Variants in PNPLA7 observed in about 807,000 individuals in gnomAD.
The protein encoded by PNPLA7 is patatin like domain 7, lysophospholipase, also known as patatin-like phospholipase domain-containing protein 7.
PNPLA7 carries 153 observed loss-of-function variants against 161.7 expected under a neutral mutation model. The ratio of observed to expected loss-of-function variants is 0.95; its 90% CI spans 0.83 to 1.08. The LOEUF (loss-of-function observed/expected upper bound fraction) is 1.08. PNPLA7 is among the 50% of genes least tolerant of loss of function. The pLI, the probability that PNPLA7 is intolerant of heterozygous loss-of-function variation, is 0.00. For missense variants in PNPLA7, 1,739 were observed against 1,856.6 expected (o/e 0.94, Z 1.16); for synonymous variants, 809 against 782.1 (o/e 1.03, Z -0.57).
chr9:137,541,148 A>C lies in PNPLA7; in HGVS notation c.667-426T>G, dbSNP rs1488046344. On this transcript the variant is annotated intron_variant, in intron 7 of 34. Transcript: ENST00000406427. This position sits in a 1 kb window ranked among gnomAD's most constrained non-coding sequence, Gnocchi z 4.4. ...GCTATTTTGGTGATTTAACAAAGTA[A>C]GCACTTCATCTCAGCTTGACCCAGG... 6.6e-6 allele frequency among the ~76,000 whole-genome samples: 1 copy of C among 152,234 alleles called. No individual in the cohort carries two copies. Among genetic ancestry groups the C allele is most frequent in the African/African-American group, 2.4e-5 (1 of 41,470 alleles).
chr9:137,514,343 G>A (rs555227915), intron 12 of PNPLA7, among the ~76,000 whole-genome samples: 5 of 145,024 alleles, frequency 3.4e-5, no homozygotes, highest in Admixed American at 1.3e-4. Context: ...CCCCGTGGCC[G>A]GGCTGCGGGC....
At chr9:137,481,199 G>A (rs1001726471) in intron 21 of PNPLA7, among the ~76,000 whole-genome samples, 176 bp from the exon 22 acceptor site, 12 of 152,182 alleles carry the variant, frequency 7.9e-5, no homozygotes, top group African/African-American at 2.7e-4. Context: ...TGCTCCCCTT[G>A]AGCACAACTG....
rs553032418 is a variant in PNPLA7, at chr9:137,504,039, G to T, written c.1473+1575C>A. Among the ~76,000 whole-genome samples the T allele has an allele frequency of 2.9e-5, 4 of 138,140 alleles. No homozygotes were observed. The South Asian group carries it at 7.4e-4, about 26-fold the overall frequency. The allele number at this position is 138,140 out of a possible 152,430, so 90.6% of individuals were successfully genotyped here. A position where few individuals can be genotyped will look rare whatever the true frequency, so the allele number is the denominator to read the frequency against. On this transcript the variant is annotated intron_variant, in intron 14 of 34. Coordinates refer to ENST00000406427, the MANE Select transcript of PNPLA7 (RefSeq NM_001098537.3). ...AAGAAGAAGAAGGAGGAGGAAGGAA[G>T]AAGAAAGAAGAAGGAAGAAGAAGAA...
intron 8 of PNPLA7, among the ~76,000 whole-genome samples, chr9:137,531,994 G>A (rs555517953): frequency 3.9e-5 from 6 of 152,162 alleles, no homozygotes; most frequent in Non-Finnish European, 7.3e-5. Context: ...CTAGAACTAC[G>A]AGGCTCAGCA....
rs555616038 is a variant in PNPLA7 at position 137,518,131 on chromosome 9, C to T, written c.1084+1786G>A. On this transcript the variant is annotated intron_variant, in intron 11 of 34. Transcript: ENST00000406427. ...CTCCATCCCTCACTCACTCACTCCA[C>T]TCTGTCCACTCCATCCCCCACTCAC... Among the ~76,000 whole-genome samples, 375 of 115,006 alleles carry T rather than the reference C, an allele frequency of 3.3e-3. 9 individuals carry two copies. The highest frequency in any genetic ancestry group is 0.013 in the African/African-American group (345 of 27,314). 75.4% of individuals were successfully genotyped at this position (115,006 alleles called of 152,430 possible).
Position 137,460,018 on chromosome 9 carries a change from C to T in PNPLA7, c.*375G>A. On this transcript the variant is annotated 3_prime_UTR_variant, in exon 35 of 35. Transcript: ENST00000406427. The stretch of plus-strand genomic sequence containing the variant: ...ATCAGGGCTCCCACACCTCACAGGG[C>T]AGCAGGCAGTTCACAGGACAGCAGG... 4.4e-6 allele frequency: 1 copy of T among 229,240 alleles called. No homozygotes were observed. Among genetic ancestry groups the T allele is most frequent in the South Asian group, 5.1e-5 (1 of 19,518 alleles). 14.2% of individuals were successfully genotyped at this position (229,240 alleles called of 1,614,324 possible).
chr9:137,478,425 C>T lies in PNPLA7; in HGVS notation c.2764-273G>A, dbSNP rs953031639. 18 of 316,132 alleles carry T rather than the reference C, an allele frequency of 5.7e-5. No homozygotes were observed. In the East Asian group the frequency reaches 5.8e-4, roughly 10 times the overall value. 19.6% of individuals were successfully genotyped at this position (316,132 alleles called of 1,614,324 possible). ...CGGGTGGGGGGCCAGAGAGTGGGCC[C>T]GGGTGGGGGGCCAGAAGGCATCCTC... On this transcript the variant is annotated intron_variant, in intron 24 of 34. Transcript: ENST00000406427.
intron 23 of PNPLA7, chr9:137,479,762 C>T: frequency 1.0e-6 from 1 of 985,266 alleles, no homozygotes; most frequent in East Asian, 1.1e-4. Flanking sequence ...CAGCAATGGC[C>T]AGGTGGAAGG....
chr9:137,504,212 A>AC (rs1833791220), intron 14 of PNPLA7, among the ~76,000 whole-genome samples: 1 of 145,660 alleles, frequency 6.9e-6, no homozygotes, highest in South Asian at 2.2e-4. Flanking sequence ...AAGAAGAGAG[A>AC]TTTTTTTTTT....
rs773536750 is a variant in PNPLA7, at chr9:137,467,343, G to A, written c.3013C>T (p.Arg1005Trp). ...YSEERNYSQM[R>W]IRAKQWAEGM... ...TCGGCCCACTGCTTGGCCCGGATCC[G>A]CATCTGGCTGTAGTTCCGCTCCTCA... is the stretch of plus-strand genomic sequence containing the variant. The change falls in exon 26 of 35, where the codon CGG (arginine) becomes TGG (tryptophan). Residue 1005 changes from arginine (R) to tryptophan (W), a missense_variant. Physicochemically the swap from Arg to Trp is moderately radical, Grantham distance 101. Around this residue, in one of 6 missense-constraint regions of PNPLA7, gnomAD observed 703 missense variants for 694.6 expected, o/e 1.01. Coordinates refer to ENST00000406427, the MANE Select transcript of PNPLA7 (RefSeq NM_001098537.3). This position sits in a 1 kb window ranked among gnomAD's most constrained non-coding sequence, Gnocchi z 5.1. The A allele has an allele frequency of 1.5e-5, 24 of 1,613,376 alleles. No homozygotes were observed. The highest frequency in any genetic ancestry group is 1.2e-4 in the African/African-American group (9 of 74,912).
chr9:137,480,388 C>G lies in PNPLA7; in HGVS notation c.2504G>C (p.Trp835Ser), dbSNP rs748460505. The G allele has an allele frequency of 3.7e-6, 6 of 1,613,640 alleles. No individual in the cohort carries two copies. In the East Asian group the frequency reaches 1.1e-4, roughly 30 times the overall value. ...LYQADGTLTPWTQRCVRQADC... is the reference protein window; with the variant it reads ...LYQADGTLTPSTQRCVRQADC... ...GGCCTGGCGCACGCAGCGCTGGGTC[C>G]AGGGTGTGAGCGTGCCATCTGCCTG... The change falls in exon 23 of 35, where the codon TGG (tryptophan) becomes TCG (serine). Residue 835 changes from tryptophan (W) to serine (S), a missense_variant. Coordinates refer to ENST00000406427, the MANE Select transcript of PNPLA7 (RefSeq NM_001098537.3).
chr9:137,543,419 T>A lies in PNPLA7; in HGVS notation c.506+13A>T. 1 of 1,613,886 alleles carries A rather than the reference T, an allele frequency of 6.2e-7. No homozygotes were observed. The highest frequency in any genetic ancestry group is 8.5e-7 in the Non-Finnish European group (1 of 1,180,000). On this transcript the variant is annotated intron_variant, in intron 6 of 34. Transcript: ENST00000406427. This position sits in a 1 kb window ranked among gnomAD's most constrained non-coding sequence, Gnocchi z 6.9. ...GAGCTGCCGCAGCCCCCGGGGCTCATCCCCGCTCTTACCGAACGTTTTTCA... is the reference window on the plus strand; with the variant it reads ...GAGCTGCCGCAGCCCCCGGGGCTCAACCCCGCTCTTACCGAACGTTTTTCA...
In PNPLA7 at chr9:137,543,281, C is replaced by T; in HGVS notation, c.506+151G>A. 1.0e-6 allele frequency: 1 copy of T among 962,568 alleles called. No individual in the cohort carries two copies. Among genetic ancestry groups the T allele is most frequent in the Non-Finnish European group, 1.6e-6 (1 of 638,580 alleles). 59.6% of individuals were successfully genotyped at this position (962,568 alleles called of 1,614,324 possible). ...GTGAAGGAGCCAGCAGACCACGAGG[C>T]CCCGCCACGGGGCACAGACACCAGC... On this transcript the variant is annotated intron_variant, in intron 6 of 34. Transcript: ENST00000406427. The surrounding 1 kb of genome is among the most constrained non-coding windows in gnomAD (Gnocchi z 6.9).
chr9:137,521,636 A>G lies in PNPLA7; in HGVS notation c.957T>C (p.Ala319=). ...YLGLTTELFN[A]ESQAIPLVSV... is the part of the protein sequence containing the mutation. ...GCTTTGTGAGGTGGTTTTCACTTAC[A>G]GCGTTGAAGAGCTCTGTGGTCAGGC... The change falls in exon 10 of 35, where the codon GCT becomes GCC. Residue 319 remains alanine, a splice_region_variant and synonymous_variant. Transcript: ENST00000406427. The G allele has an allele frequency of 6.2e-7, 1 of 1,612,240 alleles. No homozygotes were observed. The highest frequency in any genetic ancestry group is 8.5e-7 in the Non-Finnish European group (1 of 1,179,688).
In PNPLA7 at chr9:137,543,517, A is replaced by T; in HGVS notation, c.421T>A (p.Ser141Thr). 1 of 1,613,994 alleles carries T rather than the reference A, an allele frequency of 6.2e-7. No individual in the cohort carries two copies. Among genetic ancestry groups the T allele is most frequent in the Non-Finnish European group, 8.5e-7 (1 of 1,179,982 alleles). Residue 141 changes from serine (S) to threonine (T), a missense_variant, in exon 6 of 35, where the codon TCC becomes ACC. By Grantham distance (58) the Ser-to-Thr change is moderately conservative. Around this residue, in one of 6 missense-constraint regions of PNPLA7, gnomAD observed 209 missense variants for 252.8 expected, o/e 0.83. Coordinates refer to ENST00000406427, the MANE Select transcript of PNPLA7 (RefSeq NM_001098537.3). This position sits in a 1 kb window ranked among gnomAD's most constrained non-coding sequence, Gnocchi z 6.9. ...PALQPKEPPPSLLEADLTEFD... is the reference protein window; with the variant it reads ...PALQPKEPPPTLLEADLTEFD... Reference sequence around the variant, plus strand: ...TCCGTGAGGTCGGCCTCCAGCAGGGAGGGCGGGGGCTCCTTGGGCTGCAGG... The same window carrying T: ...TCCGTGAGGTCGGCCTCCAGCAGGGTGGGCGGGGGCTCCTTGGGCTGCAGG...
chr9:137,549,063 G>T (rs1434623212), intron 1 of PNPLA7, among the ~76,000 whole-genome samples: 1 of 152,264 alleles, frequency 6.6e-6, no homozygotes, highest in African/African-American at 2.4e-5. Context: ...CCGTGACCTG[G>T]TCACAGGCTC....
chr9:137,491,663 A>G, intron 20 of PNPLA7: 1 of 985,452 alleles, frequency 1.0e-6, no homozygotes, highest in Non-Finnish European at 1.2e-6. Flanking sequence ...ACTCAGATGA[A>G]GATGGGGTCA....
chr9:137,539,619 A>C (rs1836081451), intron 8 of PNPLA7, among the ~76,000 whole-genome samples: 2 of 152,146 alleles, frequency 1.3e-5, no homozygotes, highest in Non-Finnish European at 2.9e-5. Context: ...CAATGAGCAA[A>C]GATCATGCCA....
rs1835206505 is a variant in PNPLA7 at position 137,524,626 on chromosome 9, TAAG to T, written c.748-1772_748-1770del. ...TACGGAACACGTATCCTCACATTTA[TAAG>T]AAACTACCAAACTGTCTCCTACAGC... On this transcript the variant is annotated intron_variant, in intron 8 of 34. Transcript: ENST00000406427. The surrounding 1 kb of genome is among the most constrained non-coding windows in gnomAD (Gnocchi z 4.4). Among the ~76,000 whole-genome samples, 1 of 152,264 alleles carries T rather than the reference TAAG, an allele frequency of 6.6e-6. No individual in the cohort carries two copies. Among genetic ancestry groups the T allele is most frequent in the Non-Finnish European group, 1.5e-5 (1 of 68,044 alleles).
Sources: gnomAD v4.1 joint callset for allele counts (sites outside exome capture counted in the v4.1 genomes callset) on GRCh38, gnomAD v4.1.1 for gene constraint, gnomAD v4.1.1 regional missense constraint, Gnocchi (gnomAD v3.1) non-coding constraint, MANE v1.5 for transcripts, NCBI Gene and HGNC (gene_info 2026-07-23, HGNC 2026-07-21) for gene names.